Variants in FKBP1B observed in about 807,000 individuals in gnomAD.
FKBP1B encodes FKBP prolyl isomerase 1B.
FKBP1B carries 4 observed loss-of-function variants against 13.5 expected under a neutral mutation model. The observed-to-expected ratio is 0.30, with a 90% confidence interval of 0.15 to 0.68. The LOEUF is 0.68. FKBP1B is among the 30% of genes least tolerant of loss of function. FKBP1B has a pLI of 0.76. For missense variants in FKBP1B, 93 were observed against 136.2 expected (o/e 0.68, Z 1.58); for synonymous variants, 54 against 53.6 (o/e 1.01, Z -0.03).
chr2:24,063,605 TATAA>T lies in FKBP1B; in HGVS notation c.*416_*419del, dbSNP rs767395994. On this transcript the variant is annotated 3_prime_UTR_variant, in exon 4 of 4. Transcript: ENST00000380986. ...TTACCTTTGCTGTCACTTTCTCTCTTATAAATTCTGTTAGCTGCTCACTTAAACA... is the reference window on the plus strand; with the variant it reads ...TTACCTTTGCTGTCACTTTCTCTCTTATTCTGTTAGCTGCTCACTTAAACA... 11 of 233,634 alleles carry T rather than the reference TATAA, an allele frequency of 4.7e-5. No homozygotes were observed. Among genetic ancestry groups the T allele is most frequent in the Non-Finnish European group, 3.4e-5 (4 of 118,814 alleles). The allele number at this position is 233,634 out of a possible 1,614,324, so 14.5% of individuals were successfully genotyped here.
At chr2:24,037,724 C>G in the FKBP1B span, 1 of 1,614,012 alleles carries the variant, frequency 6.2e-7, no homozygotes, top group Non-Finnish European at 8.5e-7. Flanking sequence ...AGTGGATACA[C>G]TGAAGAGGAT....
chr2:24,052,387 C>T (rs1403054294), intron 1 of FKBP1B, among the ~76,000 whole-genome samples: 1 of 152,162 alleles, frequency 6.6e-6, no homozygotes, highest in Non-Finnish European at 1.5e-5. Context: ...CCACCTCTCT[C>T]CTCCCTCCCT....
At chr2:24,033,373 TAAAC>T in the FKBP1B span, 1 of 237,546 alleles carries the variant, frequency 4.2e-6, no homozygotes, top group Non-Finnish European at 8.6e-6. Flanking sequence ...TTGCATAAAA[TAAAC>T]AAACCATGGT....
chr2:24,042,832 G>A, the FKBP1B span, among the ~76,000 whole-genome samples: 8 of 151,756 alleles, frequency 5.3e-5, no homozygotes, highest in Middle Eastern at 3.4e-3. Flanking sequence ...TCAGGAGTTC[G>A]AGACCAGCCT....
the FKBP1B span, among the ~76,000 whole-genome samples, chr2:24,033,804 G>A: frequency 6.6e-6 from 1 of 151,354 alleles, no homozygotes; most frequent in African/African-American, 2.4e-5. Flanking sequence ...TTGTTGTTAA[G>A]CACTTTGGGA....
chr2:24,036,874 T>C, the FKBP1B span, among the ~76,000 whole-genome samples: 149 of 152,330 alleles, frequency 9.8e-4, 1 homozygote, highest in African/African-American at 3.5e-3. Flanking sequence ...GTTAAGCTGC[T>C]GGTTACAGCG....
At chr2:24,058,235 GA>G (rs1250853315) in intron 2 of FKBP1B, among the ~76,000 whole-genome samples, 1 of 151,542 alleles carries the variant, frequency 6.6e-6, no homozygotes, top group Non-Finnish European at 1.5e-5. Flanking sequence ...TCTAGGTCAT[GA>G]AGATATCCTT....
At chr2:24,053,779 C>T in intron 1 of FKBP1B, 123 bp from the exon 2 acceptor site, 1 of 913,294 alleles carries the variant, frequency 1.1e-6, no homozygotes, top group South Asian at 1.4e-5. Flanking sequence ...AGAACTAGGG[C>T]CACAGGCATC....
chr2:24,052,203 G>C (rs367747423), intron 1 of FKBP1B, among the ~76,000 whole-genome samples: 1 of 152,122 alleles, frequency 6.6e-6, no homozygotes, highest in Non-Finnish European at 1.5e-5. Context: ...TTGATTTCTT[G>C]TCTGGATTAT....
At chr2:24,039,617 G>A in the FKBP1B span, 20 of 981,312 alleles carry the variant, frequency 2.0e-5, no homozygotes, top group Non-Finnish European at 2.8e-5. Flanking sequence ...GGTTAATAAT[G>A]TGGAGAGACA....
intron 2 of FKBP1B, among the ~76,000 whole-genome samples, chr2:24,054,840 C>T (rs1274464893): frequency 1.3e-5 from 2 of 152,206 alleles, no homozygotes; most frequent in African/African-American, 4.8e-5. Context: ...AACAATTTTG[C>T]ATGTTGTAGA....
chr2:24,038,500 C>G, the FKBP1B span: 1 of 1,614,220 alleles, frequency 6.2e-7, no homozygotes, highest in East Asian at 2.2e-5. Flanking sequence ...AGTGACTTTT[C>G]TCGTCATGGT....
chr2:24,045,631 G>A (rs1344107505), upstream of FKBP1B, among the ~76,000 whole-genome samples: 1 of 106,136 alleles, frequency 9.4e-6, no homozygotes, highest in Admixed American at 9.3e-5. Context: ...GAGAGAGAGA[G>A]AGGAAGGAAG....
upstream of FKBP1B, chr2:24,047,419 A>AGTCCTCTGATAGGTGGGCGGTGATATCG (rs1663664326): frequency 6.6e-6 from 1 of 152,196 alleles, no homozygotes; most frequent in African/African-American, 2.4e-5. Context: ...ACCGGCCCTC[A>AGTCCTCTGATAGGTGGGCGGTGATATCG]GTCCTCTGAT....
At chr2:24,038,813 T>C in the FKBP1B span, 1 of 1,614,202 alleles carries the variant, frequency 6.2e-7, no homozygotes, top group Non-Finnish European at 8.5e-7. Context: ...AAGCCACAGA[T>C]CTTATCCAAT....
the FKBP1B span, among the ~76,000 whole-genome samples, chr2:24,034,885 G>A: frequency 2.0e-5 from 3 of 151,874 alleles, no homozygotes; most frequent in Admixed American, 6.6e-5. Flanking sequence ...AAACATGGTT[G>A]TTTTAACCTT....
the FKBP1B span, among the ~76,000 whole-genome samples, chr2:24,043,041 A>G: frequency 2.6e-5 from 4 of 151,678 alleles, no homozygotes; most frequent in Non-Finnish European, 5.9e-5. Flanking sequence ...CTCAAAAAAA[A>G]AAAAAAAAAT....
chr2:24,050,175 C>T lies in FKBP1B; in HGVS notation c.37+289C>T, dbSNP rs983893423. ...CCGCCCCGGGCTTCTCCTGTCGCGGCTGCAGTCGTTCGGTTATCCGCTGCT... is the reference window on the plus strand; with the variant it reads ...CCGCCCCGGGCTTCTCCTGTCGCGGTTGCAGTCGTTCGGTTATCCGCTGCT... On this transcript the variant is annotated intron_variant, in intron 1 of 3. Coordinates refer to ENST00000380986, the MANE Select transcript of FKBP1B (RefSeq NM_004116.5). This position sits in a 1 kb window ranked among gnomAD's most constrained non-coding sequence, Gnocchi z 5.8. Among the ~76,000 whole-genome samples the T allele has an allele frequency of 2.6e-5, 4 of 152,174 alleles. No individual in the cohort carries two copies. The highest frequency in any genetic ancestry group is 5.9e-5 in the Non-Finnish European group (4 of 68,026).
At chr2:24,059,372 T>TGGAG (rs1553320911) in intron 2 of FKBP1B, among the ~76,000 whole-genome samples, 89 of 144,476 alleles carry the variant, frequency 6.2e-4, no homozygotes, top group Non-Finnish European at 9.0e-4. Flanking sequence ...GACCAGCACC[T>TGGAG]GGGGGGGGGT....
Sources: gnomAD v4.1 joint callset for allele counts (sites outside exome capture counted in the v4.1 genomes callset) on GRCh38, gnomAD v4.1.1 for gene constraint, Gnocchi (gnomAD v3.1) non-coding constraint, MANE v1.5 for transcripts, NCBI Gene and HGNC (gene_info 2026-07-23, HGNC 2026-07-21) for gene names.